The following KCNQ4 variants were observed in gnomAD, a reference collection of about 807,000 sequenced individuals.
KCNQ4 encodes potassium voltage-gated channel subfamily KQT member 4.
In KCNQ4, 31 loss-of-function variants were observed where a neutral mutation model predicts 72.6. The observed-to-expected ratio is 0.43, with a 90% CI of 0.32 to 0.58. The LOEUF (loss-of-function observed/expected upper bound fraction) is 0.58. Among genes scored for constraint, KCNQ4 ranks in the 20% least tolerant of loss-of-function variants. The probability of loss-of-function intolerance (pLI) is 0.08; values close to 1 mark genes in which losing one functional copy is unlikely to be tolerated. For missense variants in KCNQ4, 869 were observed against 962.6 expected (o/e 0.90, Z 1.29); for synonymous variants, 405 against 403.7 (o/e 1.00, Z -0.04).
intron 1 of KCNQ4, among the ~76,000 whole-genome samples, chr1:40,801,397 C>A (rs982553829): frequency 9.8e-5 from 15 of 152,292 alleles, no homozygotes; most frequent in Admixed American, 9.1e-4. Flanking sequence ...CAAAGCAGGC[C>A]ACTTCACACA....
At chr1:40,834,824 G>A (rs1306752333) in intron 11 of KCNQ4, 143 bp from the exon 12 acceptor site, 2 of 1,072,854 alleles carry the variant, frequency 1.9e-6, no homozygotes, top group Non-Finnish European at 2.8e-6. Context: ...GGGGAGGCTG[G>A]GAGACGCAGC....
chr1:40,831,363 C>G (rs549557561), intron 10 of KCNQ4, 59 bp downstream of exon 10: 1 of 1,411,990 alleles, frequency 7.1e-7, no homozygotes, highest in South Asian at 1.2e-5. Context: ...AGGGCGGGGA[C>G]AGTCTGGGCT....
intron 1 of KCNQ4, among the ~76,000 whole-genome samples, chr1:40,793,453 A>G (rs895087094): frequency 6.6e-6 from 1 of 151,994 alleles, no homozygotes; most frequent in Non-Finnish European, 1.5e-5. Flanking sequence ...GGGTGGTCTC[A>G]TGCACTCCTA....
intron 8 of KCNQ4, among the ~76,000 whole-genome samples, chr1:40,823,246 C>T (rs146466259): frequency 3.6e-3 from 544 of 152,266 alleles, no homozygotes; most frequent in Non-Finnish European, 3.6e-3. Context: ...GAGAAGGGGC[C>T]GGGAAGAGGG....
chr1:40,819,689 CT>C (rs1292528543), intron 5 of KCNQ4, among the ~76,000 whole-genome samples, 185 bp from the exon 6 acceptor site: 6 of 151,970 alleles, frequency 3.9e-5, no homozygotes, highest in African/African-American at 9.7e-5. Context: ...ACATCAAGAC[CT>C]TGTGACTATA....
chr1:40,784,190 C>T lies in KCNQ4; in HGVS notation c.97C>T (p.Gln33Ter). 2 of 1,118,106 alleles carry T rather than the reference C, an allele frequency of 1.8e-6. No individual in the cohort carries two copies. The highest frequency in any genetic ancestry group is 3.3e-5 in the South Asian group (1 of 30,232). The allele number at this position is 1,118,106 out of a possible 1,614,324, so 69.3% of individuals were successfully genotyped here. ...LVALTAVQSEQGEAGGGGSPR... is the reference protein window; with the variant it reads ...LVALTAVQSE ...GGCGCTCACGGCCGTGCAGAGCGAA[C>T]AGGGCGAGGCGGGCGGGGGCGGCTC... The change falls in exon 1 of 14, where the codon CAG becomes TAG. Residue 33 changes from glutamine (Q) to a stop codon, truncating the protein, a stop_gained. Coordinates refer to ENST00000347132, the MANE Select transcript of KCNQ4 (RefSeq NM_004700.4). LOFTEE classifies it high-confidence loss of function. The surrounding 1 kb of genome is among the most constrained non-coding windows in gnomAD (Gnocchi z 4.1).
At chr1:40,816,196 A>G (rs1648080760) in intron 1 of KCNQ4, among the ~76,000 whole-genome samples, 1 of 152,140 alleles carries the variant, frequency 6.6e-6, no homozygotes, top group African/African-American at 2.4e-5. Flanking sequence ...GGGTCAGTAC[A>G]CAGAGATGTA....
chr1:40,829,804 C>G (rs1432550976), intron 9 of KCNQ4, among the ~76,000 whole-genome samples: 1 of 152,178 alleles, frequency 6.6e-6, no homozygotes, highest in Non-Finnish European at 1.5e-5. Flanking sequence ...GTCGGAATCT[C>G]TAGTGGCAAA....
chr1:40,796,187 G>T (rs983597518), intron 1 of KCNQ4, among the ~76,000 whole-genome samples: 2 of 152,094 alleles, frequency 1.3e-5, no homozygotes, highest in Non-Finnish European at 2.9e-5. Context: ...GGTAATCAGT[G>T]CACATCAGGG....
rs575600511 is a variant in KCNQ4 at position 40,826,935 on chromosome 1, A to G, written c.1292+2677A>G. Among the ~76,000 whole-genome samples the G allele has an allele frequency of 2.6e-5, 4 of 152,324 alleles. No individual in the cohort carries two copies. In the East Asian group the frequency reaches 7.7e-4, roughly 29 times the overall value. ...AGGATGTGTGCTGGCTCTGCTGCTGATGCCCTCTGTGATCTTGGCCAAATT... is the reference window on the plus strand; with the variant it reads ...AGGATGTGTGCTGGCTCTGCTGCTGGTGCCCTCTGTGATCTTGGCCAAATT... On this transcript the variant is annotated intron_variant, in intron 9 of 13. Transcript: ENST00000347132.
intron 13 of KCNQ4, 30 bp downstream of exon 13, chr1:40,837,824 C>T (rs369486413): frequency 3.1e-6 from 5 of 1,592,384 alleles, no homozygotes; most frequent in Admixed American, 3.6e-5. Context: ...GCGGAGCTGG[C>T]CATACCAAGA....
intron 1 of KCNQ4, among the ~76,000 whole-genome samples, chr1:40,805,747 T>C (rs552942537): frequency 6.6e-6 from 1 of 152,214 alleles, no homozygotes; most frequent in African/African-American, 2.4e-5. Context: ...TGGGTGGGGC[T>C]TTCCTTGCAA....
chr1:40,819,779 C>G (rs1648228383), intron 5 of KCNQ4, 96 bp from the exon 6 acceptor site: 1 of 1,061,306 alleles, frequency 9.4e-7, no homozygotes, highest in African/African-American at 1.6e-5. Context: ...CCAGGGGCCC[C>G]TTCCCTCATG....
intron 10 of KCNQ4, among the ~76,000 whole-genome samples, 167 bp from the exon 11 acceptor site, chr1:40,832,847 C>T (rs1346983038): frequency 6.9e-6 from 1 of 143,942 alleles, no homozygotes; most frequent in African/African-American, 2.6e-5. Flanking sequence ...GGGCTTTCCA[C>T]CCTGGGGAGG....
chr1:40,813,127 G>T (rs1002038155), intron 1 of KCNQ4, among the ~76,000 whole-genome samples: 2 of 152,364 alleles, frequency 1.3e-5, no homozygotes, highest in South Asian at 4.1e-4. Flanking sequence ...CAGCAGGAGA[G>T]TGAAGAAGGT....
In KCNQ4 at chr1:40,784,326, A is replaced by G. The variant is rs1353027537; in HGVS notation, c.233A>G (p.Lys78Arg). The G allele has an allele frequency of 4.4e-6, 7 of 1,607,904 alleles. No individual in the cohort carries two copies. The highest frequency in any genetic ancestry group is 5.9e-6 in the Non-Finnish European group (7 of 1,178,788). The change falls in exon 1 of 14, where the codon AAG becomes AGG. Residue 78 changes from lysine to arginine, a missense_variant. Coordinates refer to ENST00000347132, the MANE Select transcript of KCNQ4 (RefSeq NM_004700.4). The surrounding 1 kb of genome is among the most constrained non-coding windows in gnomAD (Gnocchi z 4.1). Reference sequence around the variant, plus strand: ...GGCCAGCGCTCCTCGGCCGCGCACAAGCGCTACCGCCGCCTGCAGAACTGG... The same window carrying G: ...GGCCAGCGCTCCTCGGCCGCGCACAGGCGCTACCGCCGCCTGCAGAACTGG... ...ACGQRSSAAH[K>R]RYRRLQNWVY...
At chr1:40,796,668 G>A (rs1476431893) in intron 1 of KCNQ4, among the ~76,000 whole-genome samples, 1 of 152,152 alleles carries the variant, frequency 6.6e-6, no homozygotes, top group Non-Finnish European at 1.5e-5. Context: ...TGTAATCCCA[G>A]CACTTTGGGA....
chr1:40,813,193 C>A (rs908564318), intron 1 of KCNQ4, among the ~76,000 whole-genome samples: 4 of 152,094 alleles, frequency 2.6e-5, no homozygotes, highest in Non-Finnish European at 4.4e-5. Context: ...TTGTCAGTGC[C>A]GAGGAGTTGG....
rs750942862 is a variant in KCNQ4, at chr1:40,824,228, C to T, written c.1262C>T (p.Pro421Leu). ...CCGCCCGTTGCCACCTGCCACCGGCCGGGCAGCACCTCCTTCTGCCCTGGG... is the reference window on the plus strand; with the variant it reads ...CCGCCCGTTGCCACCTGCCACCGGCTGGGCAGCACCTCCTTCTGCCCTGGG... Reference protein sequence around the residue: ...RYPPVATCHRPGSTSFCPGES... With the variant: ...RYPPVATCHRLGSTSFCPGES... The change falls in exon 9 of 14, where the codon CCG becomes CTG. Residue 421 changes from proline (P) to leucine (L), a missense_variant. Transcript: ENST00000347132. 2.7e-5 allele frequency: 44 copies of T among 1,607,976 alleles called. No homozygotes were observed. The South Asian group carries it at 3.7e-4, about 13-fold the overall frequency.
Sources: gnomAD v4.1 joint callset for allele counts (sites outside exome capture counted in the v4.1 genomes callset) on GRCh38, gnomAD v4.1.1 for gene constraint, Gnocchi (gnomAD v3.1) non-coding constraint, MANE v1.5 for transcripts, NCBI Gene and HGNC (gene_info 2026-07-23, HGNC 2026-07-21) for gene names.